Variants in GPR158 observed in about 807,000 individuals in gnomAD.
The protein encoded by GPR158 is G protein-coupled receptor 158, also known as metabotropic glycine receptor.
A neutral mutation model predicts 78.2 loss-of-function variants in GPR158; 30 were observed. The ratio of observed to expected loss-of-function variants is 0.38; its 90% CI spans 0.29 to 0.52. GPR158 has a LOEUF of 0.52. Among genes scored for constraint, GPR158 ranks in the 20% least tolerant of loss-of-function variants. The pLI is 0.83. For synonymous variants in GPR158, 581 were observed against 591.1 expected, an observed-to-expected ratio of 0.98 and a Z score of 0.25; for missense variants, 1,463 against 1,523.5, an observed-to-expected ratio of 0.96 and a Z score of 0.66.
chr10:25,534,422 T>C (rs1836464513), intron 5 of GPR158, among the ~76,000 whole-genome samples: 1 of 152,020 alleles, frequency 6.6e-6, no homozygotes, highest in African/African-American at 2.4e-5. Flanking sequence ...GGCAGATTAC[T>C]TGAGGTCAGT....
intron 5 of GPR158, among the ~76,000 whole-genome samples, chr10:25,508,724 C>G (rs890867356): frequency 6.6e-6 from 1 of 152,058 alleles, no homozygotes; most frequent in African/African-American, 2.4e-5. Context: ...CTGGTTCAAG[C>G]TGTTTTGATA....
At chr10:25,542,313 A>G (rs1836597951) in intron 5 of GPR158, among the ~76,000 whole-genome samples, 2 of 152,140 alleles carry the variant, frequency 1.3e-5, no homozygotes, top group South Asian at 4.1e-4. Context: ...CTCAGATTCT[A>G]AAGAGATCAG....
intron 4 of GPR158, among the ~76,000 whole-genome samples, chr10:25,432,104 G>A (rs1288581554): frequency 6.6e-6 from 1 of 152,046 alleles, no homozygotes; most frequent in African/African-American, 2.4e-5. Context: ...TCTTTATATA[G>A]TAGCAAGGAA....
rs113334941 is a variant in GPR158 at position 25,268,328 on chromosome 10, G to A, written c.1008+47171G>A. Among the ~76,000 whole-genome samples the A allele has an allele frequency of 2.0e-3, 300 of 152,154 alleles. 1 individual carries two copies. Among genetic ancestry groups the A allele is most frequent in the South Asian group, 3.5e-3 (17 of 4,814 alleles). Reference sequence around the variant, plus strand: ...AGGTTCTTAGGATCTATCTGTGAGCGTGCCTGGATAAACTTTAGTATATCT... The same window carrying A: ...AGGTTCTTAGGATCTATCTGTGAGCATGCCTGGATAAACTTTAGTATATCT... On this transcript the variant is annotated intron_variant, in intron 2 of 10. Transcript: ENST00000376351.
chr10:25,326,194 G>C (rs891409296), intron 2 of GPR158, among the ~76,000 whole-genome samples: 33 of 152,302 alleles, frequency 2.2e-4, no homozygotes, highest in African/African-American at 7.2e-4. Flanking sequence ...GAATAAGTGA[G>C]AACATGTAGT....
At chr10:25,414,474 T>G (rs1402796058) in intron 4 of GPR158, among the ~76,000 whole-genome samples, 1 of 152,138 alleles carries the variant, frequency 6.6e-6, no homozygotes, top group Admixed American at 6.5e-5. Context: ...TTTTACAGAA[T>G]GTGACATAAT....
chr10:25,293,351 G>C (rs967724653), intron 2 of GPR158, among the ~76,000 whole-genome samples: 1 of 152,200 alleles, frequency 6.6e-6, no homozygotes, highest in Admixed American at 6.5e-5. Flanking sequence ...CACTTACATA[G>C]TAGGTATGGT....
intron 2 of GPR158, among the ~76,000 whole-genome samples, chr10:25,362,514 T>C (rs948910272): frequency 6.6e-6 from 1 of 151,938 alleles, no homozygotes; most frequent in African/African-American, 2.4e-5. Context: ...ATAGGAATTG[T>C]GTTGAATACA....
intron 4 of GPR158, among the ~76,000 whole-genome samples, chr10:25,463,395 CTGGATGGATGGATGGATGGA>C (rs10532888): frequency 2.0e-5 from 3 of 149,682 alleles, no homozygotes; most frequent in South Asian, 2.1e-4. Context: ...TGAGGTTTGT[CTGGATGGATGGATGGATGGA>C]TGGATGGATG....
intron 1 of GPR158, among the ~76,000 whole-genome samples, chr10:25,198,480 A>G (rs532553241): frequency 3.3e-5 from 5 of 152,170 alleles, no homozygotes; most frequent in Non-Finnish European, 7.3e-5. Context: ...TCACAGGACT[A>G]TCAGGTCATG....
At chr10:25,394,703 G>A in intron 2 of GPR158, among the ~76,000 whole-genome samples, 1 of 152,050 alleles carries the variant, frequency 6.6e-6, no homozygotes, top group East Asian at 1.9e-4. Context: ...TATTCAAGAA[G>A]GTCCTTTAGA....
intron 4 of GPR158, among the ~76,000 whole-genome samples, chr10:25,433,643 G>T (rs1200277971): frequency 6.7e-6 from 1 of 150,310 alleles, no homozygotes; most frequent in Non-Finnish European, 1.5e-5. Flanking sequence ...AGAAGCAGGG[G>T]AGAAAATTAG....
At chr10:25,548,592 C>T (rs1836693450) in intron 5 of GPR158, among the ~76,000 whole-genome samples, 1 of 151,934 alleles carries the variant, frequency 6.6e-6, no homozygotes, top group African/African-American at 2.4e-5. Flanking sequence ...AGTATGGCAA[C>T]GCAATATTAA....
In GPR158 at chr10:25,231,646, A is replaced by G. The variant is rs144414573; in HGVS notation, c.1008+10489A>G. Among the ~76,000 whole-genome samples, 103 of 152,312 alleles carry G rather than the reference A, an allele frequency of 6.8e-4. 1 individual carries two copies. The highest frequency in any genetic ancestry group is 2.4e-3 in the African/African-American group (100 of 41,560). On this transcript the variant is annotated intron_variant, in intron 2 of 10. Coordinates refer to ENST00000376351, the MANE Select transcript of GPR158 (RefSeq NM_020752.3). ...CTCTGTCTGTACACGTTATCTGGGC[A>G]TCAATTAAAAGGCTGGTGTTAATGG...
At chr10:25,323,496 G>T (rs1197049259) in intron 2 of GPR158, among the ~76,000 whole-genome samples, 3 of 151,690 alleles carry the variant, frequency 2.0e-5, no homozygotes, top group Admixed American at 2.0e-4. Flanking sequence ...CTGTTCTTTA[G>T]TGTAGCTACT....
At chr10:25,459,316 A>G (rs1215778755) in intron 4 of GPR158, among the ~76,000 whole-genome samples, 8 of 152,188 alleles carry the variant, frequency 5.3e-5, no homozygotes, top group Admixed American at 5.2e-4. Flanking sequence ...ATATAGATTT[A>G]TACAGTCTTG....
At chr10:25,241,125 TTTTC>T (rs752386158) in intron 2 of GPR158, among the ~76,000 whole-genome samples, 15,655 of 107,848 alleles carry the variant, frequency 0.15, 1,191 homozygotes, top group Non-Finnish European at 0.16. Flanking sequence ...TTTACTTTGA[TTTTC>T]TTTCTTTCTT....
At chr10:25,586,391 ATTTT>A (rs71399977) in intron 7 of GPR158, among the ~76,000 whole-genome samples, 4,457 of 69,358 alleles carry the variant, frequency 0.064, 51 homozygotes, top group African/African-American at 0.09. Flanking sequence ...GTATGTGTGA[ATTTT>A]TTTTTTTTTT....
At chr10:25,178,056 A>T (rs187621006) in intron 1 of GPR158, among the ~76,000 whole-genome samples, 3 of 152,322 alleles carry the variant, frequency 2.0e-5, no homozygotes, top group African/African-American at 7.2e-5. Context: ...CCCAGGATTT[A>T]TCTGTCTTTT....
Sources: gnomAD v4.1 joint callset for allele counts (sites outside exome capture counted in the v4.1 genomes callset) on GRCh38, gnomAD v4.1.1 for gene constraint, MANE v1.5 for transcripts, NCBI Gene and HGNC (gene_info 2026-07-23, HGNC 2026-07-21) for gene names.